Variants in PAFAH1B1 observed in about 807,000 individuals in gnomAD.
PAFAH1B1 encodes platelet-activating factor acetylhydrolase IB subunit beta.
A neutral mutation model predicts 57.5 loss-of-function variants in PAFAH1B1; 2 were observed. The observed-to-expected ratio is 0.03, with a 90% CI of 0.01 to 0.11. The LOEUF (loss-of-function observed/expected upper bound fraction) is 0.11, where lower values mean the gene tolerates loss of function less well. PAFAH1B1 is among the 10% of genes least tolerant of loss of function. The pLI, the probability that PAFAH1B1 is intolerant of heterozygous loss-of-function variation, is 1.00. For synonymous variants in PAFAH1B1, 152 were observed against 169.6 expected, an observed-to-expected ratio of 0.90 and a Z score of 0.81; for missense variants, 257 against 512.0, an observed-to-expected ratio of 0.50 and a Z score of 4.81.
intron 2 of PAFAH1B1, among the ~76,000 whole-genome samples, chr17:2,661,317 C>A (rs894203017): frequency 6.6e-6 from 1 of 152,112 alleles, no homozygotes; most frequent in African/African-American, 2.4e-5. Flanking sequence ...AGTCTTTAAT[C>A]CATCTTGACT....
At chr17:2,632,829 C>G (rs2068572466) in intron 1 of PAFAH1B1, among the ~76,000 whole-genome samples, 1 of 152,090 alleles carries the variant, frequency 6.6e-6, no homozygotes, top group Non-Finnish European at 1.5e-5. Flanking sequence ...ATATGAGCAA[C>G]CTCGGATACC....
chr17:2,650,510 TAAAAAAA>T (rs11385415), intron 2 of PAFAH1B1, among the ~76,000 whole-genome samples: 1 of 128,350 alleles, frequency 7.8e-6, no homozygotes, highest in African/African-American at 2.9e-5. Context: ...AGACTCCATC[TAAAAAAA>T]AAAAAAAAAT....
intron 1 of PAFAH1B1, among the ~76,000 whole-genome samples, chr17:2,624,392 G>A (rs531402297): frequency 1.3e-5 from 2 of 152,194 alleles, no homozygotes; most frequent in African/African-American, 2.4e-5. Context: ...GTATTAGTTC[G>A]TTTTCTTGCT....
At chr17:2,643,719 C>G (rs974463114) in intron 2 of PAFAH1B1, among the ~76,000 whole-genome samples, 1 of 151,968 alleles carries the variant, frequency 6.6e-6, no homozygotes, top group African/African-American at 2.4e-5. Flanking sequence ...ACCACCACAC[C>G]CCGCTAATTT....
intron 2 of PAFAH1B1, among the ~76,000 whole-genome samples, chr17:2,647,636 A>C (rs2068785881): frequency 6.6e-6 from 1 of 152,350 alleles, no homozygotes; most frequent in Admixed American, 6.5e-5. Flanking sequence ...TATGAAAAAC[A>C]TTGCTCATTG....
chr17:2,659,769 A>G (rs570065550), intron 2 of PAFAH1B1, among the ~76,000 whole-genome samples: 1 of 152,094 alleles, frequency 6.6e-6, no homozygotes, highest in Admixed American at 6.6e-5. Flanking sequence ...CTCAGGAAAC[A>G]GGCTTCAGTG....
At chr17:2,638,968 C>T (rs1044357499) in intron 2 of PAFAH1B1, among the ~76,000 whole-genome samples, 4 of 152,090 alleles carry the variant, frequency 2.6e-5, no homozygotes, top group South Asian at 2.1e-4. Flanking sequence ...GGCGCAATCT[C>T]GGCTCACTGC....
intron 1 of PAFAH1B1, among the ~76,000 whole-genome samples, chr17:2,618,665 G>C (rs1188107719): frequency 6.6e-6 from 1 of 151,624 alleles, no homozygotes; most frequent in Non-Finnish European, 1.5e-5. Flanking sequence ...TATTTATTTT[G>C]AGACAGAGTT....
rs1567566610 is a variant in PAFAH1B1 at position 2,684,398 on chromosome 17, G to GT, written c.*2597dup. On this transcript the variant is annotated 3_prime_UTR_variant, in exon 11 of 11. Coordinates refer to ENST00000397195, the MANE Select transcript of PAFAH1B1 (RefSeq NM_000430.4). Reference sequence around the variant, plus strand: ...AATGATGAGGTTACTGGTTTGGATTGTAAGTAGAGGACTTTTATTAATTGG... The same window carrying GT: ...AATGATGAGGTTACTGGTTTGGATTGTTAAGTAGAGGACTTTTATTAATTGG... 6.6e-6 allele frequency: 1 copy of GT among 152,626 alleles called. No homozygotes were observed. The highest frequency in any genetic ancestry group is 2.4e-5 in the African/African-American group (1 of 41,426). 9.5% of individuals were successfully genotyped at this position (152,626 alleles called of 1,614,324 possible). A position where few individuals can be genotyped will look rare whatever the true frequency, so the allele number is the denominator to read the frequency against.
At chr17:2,640,304 G>C (rs2068678578) in intron 2 of PAFAH1B1, 1 of 150,496 alleles carries the variant, frequency 6.6e-6, no homozygotes, top group Admixed American at 6.6e-5. Flanking sequence ...TCCCATCCAG[G>C]ATCAGGTATT....
intron 1 of PAFAH1B1, among the ~76,000 whole-genome samples, chr17:2,617,682 C>G (rs1423790307): frequency 6.6e-6 from 1 of 152,054 alleles, no homozygotes; most frequent in African/African-American, 2.4e-5. Flanking sequence ...CTTTGGGAGG[C>G]TGAGGCAGGC....
Position 2,670,216 on chromosome 17 carries a change from C to T in PAFAH1B1, c.453C>T (p.Asp151=), listed in dbSNP as rs768998763. ...AACGAACTCTTAAAGGACATACAGA[C>T]TCTGTACAGGACATTTCATTCGACC... ...DFERTLKGHT[D]SVQDISFDHS... Residue 151 remains aspartate (D), a synonymous_variant, in exon 6 of 11, where the codon GAC becomes GAT. Coordinates refer to ENST00000397195, the MANE Select transcript of PAFAH1B1 (RefSeq NM_000430.4). 2 of 1,613,894 alleles carry T rather than the reference C, an allele frequency of 1.2e-6. No homozygotes were observed. Among genetic ancestry groups the T allele is most frequent in the Admixed American group, 1.7e-5 (1 of 60,004 alleles).
At position 2,638,084 on chromosome 17, in the gene PAFAH1B1, TCTC is replaced by T; in HGVS notation, c.-190-14_-190-12del. Reference sequence around the variant, plus strand: ...TAAGTGAAATAATCTTTTTTTTTCTTCTCTTTCTCCTTAGGTGGAATGAATCTT... The same window carrying T: ...TAAGTGAAATAATCTTTTTTTTTCTTTTTCTCCTTAGGTGGAATGAATCTT... On this transcript the variant is annotated splice_polypyrimidine_tract_variant and intron_variant, in intron 1 of 10. Coordinates refer to ENST00000397195, the MANE Select transcript of PAFAH1B1 (RefSeq NM_000430.4). The T allele has an allele frequency of 2.1e-6, 1 of 483,226 alleles. No homozygotes were observed. Among genetic ancestry groups the T allele is most frequent in the Non-Finnish European group, 3.7e-6 (1 of 267,528 alleles). The allele number at this position is 483,226 out of a possible 1,614,324, so 29.9% of individuals were successfully genotyped here. A position where few individuals can be genotyped will look rare whatever the true frequency, so the allele number is the denominator to read the frequency against.
chr17:2,648,197 A>G (rs893825690), intron 2 of PAFAH1B1, among the ~76,000 whole-genome samples: 3 of 152,048 alleles, frequency 2.0e-5, no homozygotes, highest in Non-Finnish European at 4.4e-5. Context: ...AGATCTCATG[A>G]GAGCTTACTA....
chr17:2,672,213 G>A (rs2069193443), intron 6 of PAFAH1B1, among the ~76,000 whole-genome samples: 1 of 127,472 alleles, frequency 7.8e-6, no homozygotes, highest in Admixed American at 1.0e-4. Context: ...GAGCCCAGGA[G>A]TTCAAGGCTA....
intron 7 of PAFAH1B1, among the ~76,000 whole-genome samples, chr17:2,673,456 G>A (rs557150406): frequency 6.6e-6 from 1 of 151,978 alleles, no homozygotes; most frequent in African/African-American, 2.4e-5. Context: ...TGGCTAACAC[G>A]ATGAAACCCC....
At chr17:2,594,431 C>T (rs2151604232) in intron 1 of PAFAH1B1, among the ~76,000 whole-genome samples, 1 of 152,370 alleles carries the variant, frequency 6.6e-6, no homozygotes, top group East Asian at 1.9e-4. Context: ...ATCGGCCCTG[C>T]TCTCCCCGGC....
At chr17:2,618,985 C>T (rs2068384094) in intron 1 of PAFAH1B1, among the ~76,000 whole-genome samples, 1 of 146,184 alleles carries the variant, frequency 6.8e-6, no homozygotes, top group Admixed American at 6.8e-5. Context: ...AAATTCAGAG[C>T]AACAGTCATA....
chr17:2,678,543 G>A (rs2069311090), intron 9 of PAFAH1B1, among the ~76,000 whole-genome samples: 1 of 151,888 alleles, frequency 6.6e-6, no homozygotes. Context: ...TCCATCCTGG[G>A]CAGTGAAGTA....
Sources: allele counts gnomAD v4.1 joint callset (sites outside exome capture counted in the v4.1 genomes callset), GRCh38; gene constraint gnomAD v4.1.1; transcripts MANE v1.5; gene names NCBI Gene and HGNC (gene_info 2026-07-23, HGNC 2026-07-21).